Variants in SGCD observed in about 807,000 individuals in gnomAD.
The protein encoded by SGCD is delta-sarcoglycan.
A neutral mutation model predicts 36.6 loss-of-function variants in SGCD; 18 were observed. The ratio of observed to expected loss-of-function variants is 0.49; its 90% CI spans 0.34 to 0.73. The LOEUF (loss-of-function observed/expected upper bound fraction) is 0.73, where lower values mean the gene tolerates loss of function less well. Among genes scored for constraint, SGCD ranks in the 30% least tolerant of loss-of-function variants. SGCD has a pLI of 0.01. For missense variants in SGCD, 387 were observed against 346.7 expected (o/e 1.12, Z -0.92); for synonymous variants, 133 against 130.6 (o/e 1.02, Z -0.12).
At chr5:156,074,712 A>G (rs1022348399) in intron 1 of SGCD, among the ~76,000 whole-genome samples, 3 of 152,188 alleles carry the variant, frequency 2.0e-5, no homozygotes, top group African/African-American at 7.2e-5. Flanking sequence ...TTATACTTTA[A>G]AAGGGGAATT....
chr5:156,571,289 G>T lies in SGCD; in HGVS notation c.295-17942G>T, dbSNP rs137910165. ...TTTAACTCCTGACCTCAAGTGATCC[G>T]CCTGCCTGGGCCTCCCAAAGTGCTG... On this transcript the variant is annotated intron_variant, in intron 4 of 8. Transcript: ENST00000337851. Among the ~76,000 whole-genome samples, 350 of 152,202 alleles carry T rather than the reference G, an allele frequency of 2.3e-3. 10 individuals are homozygous for T. The East Asian group carries it at 0.063, about 27-fold the overall frequency.
intron 3 of SGCD, among the ~76,000 whole-genome samples, chr5:156,254,386 C>T (rs1444209527): frequency 1.3e-5 from 2 of 152,186 alleles, no homozygotes; most frequent in Non-Finnish European, 2.9e-5. Flanking sequence ...CCCCTGGGAA[C>T]TGAACAATGC....
intron 3 of SGCD, among the ~76,000 whole-genome samples, chr5:156,273,045 T>C (rs1018134046): frequency 3.9e-5 from 6 of 152,230 alleles, no homozygotes; most frequent in African/African-American, 1.4e-4. Flanking sequence ...TAACATTTCC[T>C]TTCTTCATAC....
the SGCD span, among the ~76,000 whole-genome samples, chr5:155,848,511 T>TC: frequency 2.0e-5 from 3 of 152,178 alleles, no homozygotes; most frequent in African/African-American, 7.2e-5. Context: ...GCAAGTATAG[T>TC]CCCCTCTGTG....
chr5:156,279,150 G>A (rs2127672607), intron 3 of SGCD, among the ~76,000 whole-genome samples: 1 of 152,258 alleles, frequency 6.6e-6, no homozygotes, highest in Admixed American at 6.5e-5. Context: ...TATTGGCTTT[G>A]TGTTCTGCAT....
intron 3 of SGCD, among the ~76,000 whole-genome samples, chr5:156,461,529 GA>G (rs1282698249): frequency 1.3e-5 from 2 of 151,884 alleles, no homozygotes; most frequent in African/African-American, 4.8e-5. Context: ...TTCTTAGGGG[GA>G]AAAACCTTTC....
At chr5:155,981,339 C>T (rs1389990761) in intron 1 of SGCD, among the ~76,000 whole-genome samples, 1 of 152,172 alleles carries the variant, frequency 6.6e-6, no homozygotes, top group Non-Finnish European at 1.5e-5. Context: ...CAAAATACCC[C>T]AGCAGGTGTG....
the SGCD span, among the ~76,000 whole-genome samples, chr5:155,789,056 A>AT: frequency 6.8e-4 from 103 of 152,204 alleles, 1 homozygote; most frequent in South Asian, 4.6e-3. Context: ...GGATACAAGT[A>AT]TTTTTTTACC....
intron 1 of SGCD, among the ~76,000 whole-genome samples, chr5:156,071,035 A>T (rs923298617): frequency 2.5e-4 from 38 of 152,044 alleles, no homozygotes; most frequent in Admixed American, 2.2e-3. Flanking sequence ...CTTCTTTATT[A>T]GTCTTGCTAG....
chr5:156,031,575 A>C (rs1348115075), intron 1 of SGCD, among the ~76,000 whole-genome samples: 1 of 152,170 alleles, frequency 6.6e-6, no homozygotes, highest in Non-Finnish European at 1.5e-5. Flanking sequence ...TTCTTACCAA[A>C]TTAAAAGCTC....
rs760616468 is a variant in SGCD at position 156,421,864 on chromosome 5, C to T, written c.192+77187C>T. ...TAATACCCAATCTGTGAGCCTTTAC[C>T]GGGCATGGCATTCAGCATAAATGTG... On this transcript the variant is annotated intron_variant, in intron 3 of 8. Coordinates refer to ENST00000337851, the MANE Select transcript of SGCD (RefSeq NM_000337.6). 2.0e-4 allele frequency among the ~76,000 whole-genome samples: 31 copies of T among 151,982 alleles called. 1 individual carries two copies. The highest frequency in any genetic ancestry group is 6.8e-4 in the African/African-American group (28 of 41,386).
upstream of SGCD, among the ~76,000 whole-genome samples, chr5:155,867,628 G>A (rs1288260309): frequency 1.3e-5 from 2 of 152,178 alleles, no homozygotes; most frequent in African/African-American, 4.8e-5. Flanking sequence ...AAGAACCAGT[G>A]TAGGAGAAAG....
chr5:155,753,290 T>A, the SGCD span, among the ~76,000 whole-genome samples: 9 of 148,828 alleles, frequency 6.0e-5, no homozygotes, highest in Admixed American at 6.6e-5. Context: ...TGAGCCGAGA[T>A]CGCACCACTG....
intron 3 of SGCD, among the ~76,000 whole-genome samples, chr5:156,167,070 C>T (rs1763231778): frequency 6.6e-6 from 1 of 152,140 alleles, no homozygotes; most frequent in African/African-American, 2.4e-5. Context: ...TCTCCACAGA[C>T]ACTTGGCTCT....
Position 156,056,912 on chromosome 5 carries a change from C to T in SGCD, c.-281-60966C>T, listed in dbSNP as rs1760080386. On this transcript the variant is annotated intron_variant, in intron 1 of 9. Coordinates refer to the SGCD transcript ENST00000517913. Reference sequence around the variant, plus strand: ...TGTGGCAAGCGATGACTGATACCTACTTAGTGTAATAGGTTGTTCAAAGCA... The same window carrying T: ...TGTGGCAAGCGATGACTGATACCTATTTAGTGTAATAGGTTGTTCAAAGCA... Among the ~76,000 whole-genome samples the T allele has an allele frequency of 3.4e-5, 5 of 146,078 alleles. No individual in the cohort carries two copies. The South Asian group carries it at 1.1e-3, about 31-fold the overall frequency.
intron 7 of SGCD, among the ~76,000 whole-genome samples, chr5:156,693,240 T>C (rs901995083): frequency 6.6e-6 from 1 of 152,178 alleles, no homozygotes; most frequent in African/African-American, 2.4e-5. Flanking sequence ...CTACACAAAG[T>C]TCAGATATGT....
chr5:156,595,075 C>T, intron 6 of SGCD, 24 bp downstream of exon 6: 2 of 1,597,764 alleles, frequency 1.3e-6, no homozygotes, highest in Non-Finnish European at 1.7e-6. Flanking sequence ...AATCATTTAA[C>T]TTGTTTGATG....
intron 3 of SGCD, among the ~76,000 whole-genome samples, chr5:156,179,477 A>G (rs1763551764): frequency 6.6e-6 from 1 of 152,136 alleles, no homozygotes; most frequent in Admixed American, 6.5e-5. Context: ...TTGGTATTTT[A>G]AAATATCACT....
chr5:156,679,106 G>A (rs891024770), intron 7 of SGCD, among the ~76,000 whole-genome samples: 18 of 152,208 alleles, frequency 1.2e-4, no homozygotes, highest in African/African-American at 3.9e-4. Flanking sequence ...TTACTTGGAT[G>A]TCAGCTGAGA....
Sources: allele counts gnomAD v4.1 joint callset (sites outside exome capture counted in the v4.1 genomes callset), GRCh38; gene constraint gnomAD v4.1.1; transcripts MANE v1.5; gene names NCBI Gene and HGNC (gene_info 2026-07-23, HGNC 2026-07-21).